Variants in ZNF589 observed in about 807,000 individuals in gnomAD.
The protein encoded by ZNF589 is KRAB-zinc finger protein SZF1-1.
In ZNF589, 17 loss-of-function variants were observed where a neutral mutation model predicts 13.6. The ratio of observed to expected loss-of-function variants is 1.25; its 90% CI spans 0.86 to 1.88. ZNF589 has a LOEUF of 1.88. Ranked by LOEUF, ZNF589 falls within the 40% of genes most tolerant of loss-of-function variation. ZNF589 has a pLI of 0.00. For synonymous variants in ZNF589, 148 were observed against 161.6 expected, an observed-to-expected ratio of 0.92 and a Z score of 0.64; for missense variants, 407 against 434.0, an observed-to-expected ratio of 0.94 and a Z score of 0.55.
chr3:48,264,854 A>C (rs2034003250), intron 3 of ZNF589, among the ~76,000 whole-genome samples: 1 of 152,100 alleles, frequency 6.6e-6, no homozygotes, highest in Admixed American at 6.6e-5. Flanking sequence ...ATAAAATAAG[A>C]GAAAGAATTG....
intron 1 of ZNF589, among the ~76,000 whole-genome samples, chr3:48,246,885 G>A (rs1483660404): frequency 6.6e-6 from 1 of 151,076 alleles, no homozygotes; most frequent in African/African-American, 2.4e-5. Context: ...AGTCAGGATG[G>A]TCTCGATCTC....
chr3:48,247,763 A>T (rs1347744865), intron 2 of ZNF589, 86 bp downstream of exon 2: 3 of 1,486,454 alleles, frequency 2.0e-6, no homozygotes, highest in Non-Finnish European at 1.9e-6. Context: ...GGAAGGGAGG[A>T]AGTGATTAAC....
At chr3:48,260,550 A>T (rs2033959724) in intron 2 of ZNF589, among the ~76,000 whole-genome samples, 2 of 152,234 alleles carry the variant, frequency 1.3e-5, no homozygotes, top group Admixed American at 1.3e-4. Flanking sequence ...CTGGGACTAC[A>T]GGCGTGTGCT....
At chr3:48,264,340 A>G (rs561277629) in intron 3 of ZNF589, among the ~76,000 whole-genome samples, 39 of 151,862 alleles carry the variant, frequency 2.6e-4, no homozygotes, top group Non-Finnish European at 5.3e-4. Flanking sequence ...CGAGACCGGC[A>G]TGACCAACAT....
Position 48,268,406 on chromosome 3 carries a change from G to A in ZNF589, c.715G>A (p.Glu239Lys). Residue 239 changes from glutamate to lysine, a missense_variant, in exon 4 of 4, where the codon GAA becomes AAA. By Grantham distance (56) the Glu-to-Lys change is moderately conservative (BLOSUM62 1). Coordinates refer to ENST00000354698, the MANE Select transcript of ZNF589 (RefSeq NM_016089.3). ...NLFRQKAVTA[E>K]KSSDKRQSQV... is the part of the protein sequence containing the mutation. ...GTTCAGACAGAAGGCAGTCACAGCA[G>A]AAAAATCTTCAGACAAAAGGCAGTC... The A allele has an allele frequency of 6.2e-7, 1 of 1,614,210 alleles. No homozygotes were observed. The highest frequency in any genetic ancestry group is 8.5e-7 in the Non-Finnish European group (1 of 1,180,042).
chr3:48,262,309 C>T (rs893871364), intron 3 of ZNF589, among the ~76,000 whole-genome samples: 14 of 152,124 alleles, frequency 9.2e-5, no homozygotes, highest in Non-Finnish European at 1.6e-4. Context: ...CCTGCCTCAG[C>T]CTCCCGAGTA....
chr3:48,255,303 G>A (rs2033886068), intron 2 of ZNF589, among the ~76,000 whole-genome samples: 1 of 151,418 alleles, frequency 6.6e-6, no homozygotes, highest in East Asian at 1.9e-4. Flanking sequence ...AGCCTCCCAA[G>A]TAGCTGGGAT....
At position 48,268,456 on chromosome 3, in the gene ZNF589, A is replaced by T; in HGVS notation, c.765A>T (p.Arg255=). Residue 255 remains arginine (R), a synonymous_variant, in exon 4 of 4, where the codon CGA becomes CGT. Transcript: ENST00000354698. Reference sequence around the variant, plus strand: ...CACAGGTGTGCAGGGAGTGTGGGCGAGGCTTTAGCAGGAAGTCACAGCTCA... The same window carrying T: ...CACAGGTGTGCAGGGAGTGTGGGCGTGGCTTTAGCAGGAAGTCACAGCTCA... The part of the protein sequence containing the change: ...RQSQVCRECG[R]GFSRKSQLII... 6.2e-7 allele frequency: 1 copy of T among 1,614,118 alleles called. No homozygotes were observed. Among genetic ancestry groups the T allele is most frequent in the Non-Finnish European group, 8.5e-7 (1 of 1,180,002 alleles).
At chr3:48,264,441 G>C (rs777104366) in intron 3 of ZNF589, among the ~76,000 whole-genome samples, 6 of 151,586 alleles carry the variant, frequency 4.0e-5, no homozygotes, top group Non-Finnish European at 7.4e-5. Context: ...TCTGAGGCAG[G>C]AGAATCACTT....
At chr3:48,261,026 A>G (rs1188106332) in intron 3 of ZNF589, 87 bp downstream of exon 3, 1 of 1,417,868 alleles carries the variant, frequency 7.1e-7, no homozygotes, top group Non-Finnish European at 9.8e-7. Context: ...AATCTCTTAG[A>G]ACATATCAGT....
chr3:48,253,898 C>T (rs2033868233), intron 2 of ZNF589, among the ~76,000 whole-genome samples: 1 of 152,102 alleles, frequency 6.6e-6, no homozygotes. Flanking sequence ...CAAGACTAGT[C>T]TGAGCAACAC....
At position 48,270,060 on chromosome 3, in the gene ZNF589, G is replaced by A; in HGVS notation, c.*1274G>A. 4.4e-6 allele frequency: 2 copies of A among 457,254 alleles called. No individual in the cohort carries two copies. Among genetic ancestry groups the A allele is most frequent in the Non-Finnish European group, 8.8e-6 (2 of 227,116 alleles). 28.3% of individuals were successfully genotyped at this position (457,254 alleles called of 1,614,324 possible). A position where few individuals can be genotyped will look rare whatever the true frequency, so the allele number is the denominator to read the frequency against. ...CAAGTGACGGTCCCCTTGGAGGAAT[G>A]GTCTTTGCATCTGACTACTTCCTTC... On this transcript the variant is annotated 3_prime_UTR_variant, in exon 4 of 4. Transcript: ENST00000354698.
At chr3:48,247,213 AT>A (rs1340452749) in intron 1 of ZNF589, among the ~76,000 whole-genome samples, 5 of 151,594 alleles carry the variant, frequency 3.3e-5, no homozygotes, top group Non-Finnish European at 7.4e-5. Flanking sequence ...ACCTCAAGTC[AT>A]CTGCCTGCCT....
At position 48,269,361 on chromosome 3, in the gene ZNF589, T is replaced by A; in HGVS notation, c.*575T>A. On this transcript the variant is annotated 3_prime_UTR_variant, in exon 4 of 4. Coordinates refer to ENST00000354698, the MANE Select transcript of ZNF589 (RefSeq NM_016089.3). Reference sequence around the variant, plus strand: ...ACACACTCCAAGGAAAAACCTTATGTGTGCAGCCAGTGTGGGCGAGGCTTT... The same window carrying A: ...ACACACTCCAAGGAAAAACCTTATGAGTGCAGCCAGTGTGGGCGAGGCTTT... The A allele has an allele frequency of 1.1e-6, 1 of 940,740 alleles. No homozygotes were observed. The highest frequency in any genetic ancestry group is 1.6e-6 in the Non-Finnish European group (1 of 635,310). 58.3% of individuals were successfully genotyped at this position (940,740 alleles called of 1,614,324 possible).
At chr3:48,252,661 G>A (rs561760912) in intron 2 of ZNF589, among the ~76,000 whole-genome samples, 8 of 121,190 alleles carry the variant, frequency 6.6e-5, no homozygotes, top group Non-Finnish European at 1.1e-4. Flanking sequence ...TCTCGCTGTC[G>A]CCCAGGCTGG....
intron 2 of ZNF589, among the ~76,000 whole-genome samples, chr3:48,254,806 C>T (rs993702421): frequency 6.6e-6 from 1 of 151,754 alleles, no homozygotes; most frequent in Non-Finnish European, 1.5e-5. Flanking sequence ...TATAGGAAAG[C>T]AGATGATCTT....
intron 1 of ZNF589, among the ~76,000 whole-genome samples, chr3:48,243,684 G>A (rs753536281): frequency 4.0e-5 from 6 of 151,750 alleles, no homozygotes; most frequent in Non-Finnish European, 8.8e-5. Context: ...GGTGGTGCGC[G>A]CTTGTAATCC....
At chr3:48,245,519 T>C (rs1022073356) in intron 1 of ZNF589, among the ~76,000 whole-genome samples, 2 of 152,218 alleles carry the variant, frequency 1.3e-5, no homozygotes, top group African/African-American at 4.8e-5. Flanking sequence ...AGGCACTCCC[T>C]TCCCCAGACT....
At chr3:48,262,756 G>T (rs986817071) in intron 3 of ZNF589, among the ~76,000 whole-genome samples, 1 of 151,798 alleles carries the variant, frequency 6.6e-6, no homozygotes, top group African/African-American at 2.4e-5. Flanking sequence ...TCTGACTCTA[G>T]AATATAAATC....
Sources: allele counts gnomAD v4.1 joint callset (sites outside exome capture counted in the v4.1 genomes callset), GRCh38; gene constraint gnomAD v4.1.1; transcripts MANE v1.5; gene names NCBI Gene and HGNC (gene_info 2026-07-23, HGNC 2026-07-21).